RALGPS2: variants seen among roughly 807,000 people sequenced by gnomAD.
RALGPS2 encodes the protein Ral GEF with PH domain and SH3 binding motif 2, also known as ras-specific guanine nucleotide-releasing factor RalGPS2.
In RALGPS2, 43 loss-of-function variants were observed where a neutral mutation model predicts 86.8. The observed-to-expected ratio is 0.50, with a 90% CI of 0.39 to 0.64. The LOEUF (loss-of-function observed/expected upper bound fraction) is 0.64, where lower values mean the gene tolerates loss of function less well. Among genes scored for constraint, RALGPS2 ranks in the 30% least tolerant of loss-of-function variants. The pLI is 0.00. For synonymous variants in RALGPS2, 243 were observed against 231.3 expected, an observed-to-expected ratio of 1.05 and a Z score of -0.46; for missense variants, 536 against 694.6, an observed-to-expected ratio of 0.77 and a Z score of 2.57.
At chr1:178,775,231 A>T (rs1438868978) in intron 1 of RALGPS2, among the ~76,000 whole-genome samples, 1 of 152,180 alleles carries the variant, frequency 6.6e-6, no homozygotes, top group Non-Finnish European at 1.5e-5. Context: ...ATAGATGAGA[A>T]AACTGAGTAC....
At chr1:178,821,096 A>G (rs1655483467) in intron 6 of RALGPS2, among the ~76,000 whole-genome samples, 1 of 152,218 alleles carries the variant, frequency 6.6e-6, no homozygotes, top group Non-Finnish European at 1.5e-5. Flanking sequence ...AATGAGGGAA[A>G]AAGGATCTGG....
chr1:178,830,092 T>C (rs1267615715), intron 7 of RALGPS2, among the ~76,000 whole-genome samples: 1 of 152,186 alleles, frequency 6.6e-6, no homozygotes, highest in Non-Finnish European at 1.5e-5. Context: ...ACATAAGAAG[T>C]AACTAACTTT....
rs150631014 is a variant in RALGPS2, at chr1:178,810,884, A to G, written c.298-431A>G. Among the ~76,000 whole-genome samples the G allele has an allele frequency of 8.5e-3, 1,291 of 152,190 alleles. 3 individuals are homozygous for G. Among genetic ancestry groups the G allele is most frequent in the African/African-American group, 0.011 (451 of 41,570 alleles). ...TAGTACATGAATTAAAGTGTATTAC[A>G]TGGACATATTGTATCATATAATAAG... On this transcript the variant is annotated intron_variant, in intron 5 of 19. Transcript: ENST00000367635.
At chr1:178,914,513 T>G (rs1237621766) in intron 19 of RALGPS2, among the ~76,000 whole-genome samples, 1 of 152,074 alleles carries the variant, frequency 6.6e-6, no homozygotes, top group East Asian at 1.9e-4. Flanking sequence ...TTCTGCATCA[T>G]CTCTCCACCC....
At position 178,920,912 on chromosome 1, in the gene RALGPS2, T is replaced by C. The variant is rs991386729; in HGVS notation, c.*4553T>C. 2.0e-5 allele frequency: 3 copies of C among 152,064 alleles called. No individual in the cohort carries two copies. The highest frequency in any genetic ancestry group is 4.4e-5 in the Non-Finnish European group (3 of 67,926). 9.4% of individuals were successfully genotyped at this position (152,064 alleles called of 1,614,324 possible). ...AAGTAGTCACTTAACCTGCCAGTTA[T>C]TATTTTCTTGAAAATATACAAGAAA... On this transcript the variant is annotated 3_prime_UTR_variant, in exon 20 of 20. Coordinates refer to ENST00000367635, the MANE Select transcript of RALGPS2 (RefSeq NM_152663.5).
intron 8 of RALGPS2, among the ~76,000 whole-genome samples, chr1:178,839,262 G>T (rs1007477454): frequency 6.6e-6 from 1 of 152,166 alleles, no homozygotes; most frequent in Admixed American, 6.5e-5. Context: ...CAGCCAGAGA[G>T]AAAGGTCAGG....
At position 178,854,448 on chromosome 1, in the gene RALGPS2, A is replaced by C. The variant is rs1046612748; in HGVS notation, c.607+20898A>C. On this transcript the variant is annotated intron_variant, in intron 8 of 19. Coordinates refer to ENST00000367635, the MANE Select transcript of RALGPS2 (RefSeq NM_152663.5). ...ATGTACATTCACATATTAAAGACTGAAAAGCCCTGAAATAAACCAGATGCC... is the reference window on the plus strand; with the variant it reads ...ATGTACATTCACATATTAAAGACTGCAAAGCCCTGAAATAAACCAGATGCC... Among the ~76,000 whole-genome samples the C allele has an allele frequency of 3.9e-5, 6 of 152,176 alleles. 1 individual carries two copies. The highest frequency in any genetic ancestry group is 1.4e-4 in the African/African-American group (6 of 41,466).
chr1:178,769,746 C>A (rs955701911), intron 1 of RALGPS2, among the ~76,000 whole-genome samples: 1 of 152,180 alleles, frequency 6.6e-6, no homozygotes, highest in African/African-American at 2.4e-5. Context: ...GCTCTCCCCA[C>A]GCATCCAAGG....
chr1:178,761,548 A>T (rs1315230635), intron 1 of RALGPS2, among the ~76,000 whole-genome samples: 1 of 151,672 alleles, frequency 6.6e-6, no homozygotes, highest in African/African-American at 2.4e-5. Flanking sequence ...AAAGCTTTCA[A>T]TTGTTTTTAT....
intron 8 of RALGPS2, among the ~76,000 whole-genome samples, chr1:178,856,200 GAGATATATATATATATAT>G (rs1223795139): frequency 2.2e-4 from 9 of 40,942 alleles, no homozygotes; most frequent in African/African-American, 7.5e-4. Flanking sequence ...CAGAGAGAGA[GAGATATATATATATATAT>G]ATATATATAT....
chr1:178,740,024 T>C (rs1650928746), intron 1 of RALGPS2, among the ~76,000 whole-genome samples: 1 of 152,254 alleles, frequency 6.6e-6, no homozygotes, highest in African/African-American at 2.4e-5. Context: ...TCCTCCTCAG[T>C]TGTGGTACTC....
At chr1:178,730,614 C>T (rs1650282843) in intron 1 of RALGPS2, among the ~76,000 whole-genome samples, 1 of 149,352 alleles carries the variant, frequency 6.7e-6, no homozygotes. Context: ...TATCTTCTTG[C>T]TCAAATCTGC....
chr1:178,776,179 T>C (rs1438105959), intron 1 of RALGPS2, among the ~76,000 whole-genome samples: 2 of 152,306 alleles, frequency 1.3e-5, no homozygotes, highest in Admixed American at 6.5e-5. Context: ...AAATCCCCCA[T>C]GGATACTGAG....
At chr1:178,877,149 A>G (rs565867728) in intron 8 of RALGPS2, among the ~76,000 whole-genome samples, 24 of 152,240 alleles carry the variant, frequency 1.6e-4, no homozygotes, top group African/African-American at 5.5e-4. Context: ...CCATTATGAA[A>G]CTAGTCAGAG....
chr1:178,867,531 C>T (rs1037503445), intron 8 of RALGPS2, among the ~76,000 whole-genome samples: 1 of 152,064 alleles, frequency 6.6e-6, no homozygotes, highest in Admixed American at 6.6e-5. Flanking sequence ...ACCTTCTACT[C>T]CTAACTTTTC....
intron 4 of RALGPS2, among the ~76,000 whole-genome samples, chr1:178,790,144 G>T (rs1014629246): frequency 1.3e-5 from 2 of 152,072 alleles, no homozygotes; most frequent in African/African-American, 4.8e-5. Flanking sequence ...TAGAGACAGG[G>T]TCTCGTTGTG....
intron 6 of RALGPS2, among the ~76,000 whole-genome samples, chr1:178,813,963 C>T (rs1655110760): frequency 6.6e-6 from 1 of 152,108 alleles, no homozygotes; most frequent in South Asian, 2.1e-4. Flanking sequence ...CACATAGATA[C>T]AAAAGAATAT....
intron 1 of RALGPS2, among the ~76,000 whole-genome samples, chr1:178,751,258 C>T (rs554104628): frequency 6.6e-6 from 1 of 152,156 alleles, no homozygotes; most frequent in East Asian, 1.9e-4. Context: ...CAGGATTGCC[C>T]TTACCATAAA....
chr1:178,901,628 CAGGGAGCTG>C (rs1357935950), intron 17 of RALGPS2, among the ~76,000 whole-genome samples: 1 of 150,594 alleles, frequency 6.6e-6, no homozygotes, highest in Non-Finnish European at 1.5e-5. Context: ...TATCTGGTTG[CAGGGAGCTG>C]AGATCACACC....
Sources: allele counts gnomAD v4.1 joint callset (sites outside exome capture counted in the v4.1 genomes callset), GRCh38; gene constraint gnomAD v4.1.1; transcripts MANE v1.5; gene names NCBI Gene and HGNC (gene_info 2026-07-23, HGNC 2026-07-21).